CDH12: variants seen among roughly 807,000 people sequenced by gnomAD.
CDH12 encodes cadherin 12.
CDH12 carries 41 observed loss-of-function variants against 74.1 expected under a neutral mutation model. The observed-to-expected ratio is 0.55, with a 90% confidence interval of 0.43 to 0.72. The LOEUF is 0.72. Ranked by LOEUF, CDH12 falls within the 30% of genes least tolerant of loss-of-function variation. CDH12 has a pLI of 0.00. For synonymous variants in CDH12, 399 were observed against 355.0 expected (o/e 1.12, Z -1.39); for missense variants, 945 against 977.2 (o/e 0.97, Z 0.44).
At chr5:22,342,678 TTC>T (rs1391852258) in intron 3 of CDH12, among the ~76,000 whole-genome samples, 53 of 150,338 alleles carry the variant, frequency 3.5e-4, no homozygotes, top group African/African-American at 1.2e-3. Flanking sequence ...TTTCCTTTCC[TTC>T]TTTTTCTTTC....
chr5:22,043,393 C>T (rs1304012134), intron 5 of CDH12, among the ~76,000 whole-genome samples: 1 of 152,102 alleles, frequency 6.6e-6, no homozygotes, highest in East Asian at 1.9e-4. Flanking sequence ...CAAAATTCAA[C>T]ATCCCTTCCC....
chr5:21,782,589 G>T (rs1482448996), intron 11 of CDH12, among the ~76,000 whole-genome samples: 4 of 152,182 alleles, frequency 2.6e-5, no homozygotes, highest in Non-Finnish European at 5.9e-5. Context: ...AAGAGATTCA[G>T]TTGAGATTTT....
chr5:22,369,747 T>G (rs1741193974), intron 3 of CDH12, among the ~76,000 whole-genome samples: 1 of 152,140 alleles, frequency 6.6e-6, no homozygotes, highest in African/African-American at 2.4e-5. Flanking sequence ...AGAGTAAAAT[T>G]TACAGGCAAA....
chr5:22,347,623 C>T (rs1740173400), intron 3 of CDH12, among the ~76,000 whole-genome samples: 1 of 152,180 alleles, frequency 6.6e-6, no homozygotes, highest in Non-Finnish European at 1.5e-5. Context: ...ATGTATACAT[C>T]TATCCTTTAA....
intron 4 of CDH12, among the ~76,000 whole-genome samples, chr5:22,191,477 T>A (rs1428698829): frequency 6.6e-6 from 1 of 152,104 alleles, no homozygotes; most frequent in Middle Eastern, 3.2e-3. Flanking sequence ...ACTGTGTGAT[T>A]CAGCAACTAA....
chr5:22,714,007 G>A (rs751552630), intron 1 of CDH12, among the ~76,000 whole-genome samples: 2 of 152,036 alleles, frequency 1.3e-5, no homozygotes, highest in Admixed American at 6.6e-5. Flanking sequence ...CCTATTTCAC[G>A]TTATGTTGTT....
In CDH12 at chr5:22,766,208, A is replaced by T. The variant is rs550826275; in HGVS notation, c.-523+86850T>A. On this transcript the variant is annotated intron_variant, in intron 1 of 14. Coordinates refer to ENST00000382254, the MANE Select transcript of CDH12 (RefSeq NM_004061.5). ...AATAAACAATTTAGAAAATAATTTC[A>T]ATATGCATTTACTTAAAATTTGCAT... Among the ~76,000 whole-genome samples, 4 of 152,206 alleles carry T rather than the reference A, an allele frequency of 2.6e-5. No individual in the cohort carries two copies. The East Asian group carries it at 5.8e-4, about 22-fold the overall frequency.
chr5:22,680,288 GA>G (rs1741426437), intron 1 of CDH12, among the ~76,000 whole-genome samples: 1 of 152,054 alleles, frequency 6.6e-6, no homozygotes, highest in Non-Finnish European at 1.5e-5. Context: ...TCACAGTTGT[GA>G]AAAAGTAATG....
At chr5:22,373,306 A>C (rs1741378290) in intron 3 of CDH12, among the ~76,000 whole-genome samples, 1 of 152,152 alleles carries the variant, frequency 6.6e-6, no homozygotes, top group Non-Finnish European at 1.5e-5. Context: ...TGCCCAGCCC[A>C]TTGCAGCCAC....
chr5:22,461,292 G>A (rs188597637), intron 2 of CDH12, among the ~76,000 whole-genome samples: 14 of 151,884 alleles, frequency 9.2e-5, no homozygotes, highest in Non-Finnish European at 1.5e-5. Flanking sequence ...CCTCCCAGCT[G>A]GGATTGCAGG....
intron 1 of CDH12, among the ~76,000 whole-genome samples, chr5:22,520,687 G>C (rs1227637238): frequency 6.6e-6 from 1 of 152,112 alleles, no homozygotes; most frequent in African/African-American, 2.4e-5. Flanking sequence ...AAAGTGTAAG[G>C]AAAGTATCAC....
At chr5:22,822,981 C>A (rs1749790189) in intron 1 of CDH12, among the ~76,000 whole-genome samples, 1 of 152,190 alleles carries the variant, frequency 6.6e-6, no homozygotes, top group East Asian at 1.9e-4. Context: ...TTGGAACCAA[C>A]CCAAATGTCC....
In CDH12 at chr5:21,833,315, T is replaced by TATAA. The variant is rs1561225798; in HGVS notation, c.814+8845_814+8846insTTAT. ...TATAATATATATTATATGTTATATGTTATATAATATATATTATATATTATA... is the reference window on the plus strand; with the variant it reads ...TATAATATATATTATATGTTATATGTATAATATATAATATATATTATATATTATA... On this transcript the variant is annotated intron_variant, in intron 8 of 14. Transcript: ENST00000382254. Among the ~76,000 whole-genome samples, 44 of 6,308 alleles carry TATAA rather than the reference T, an allele frequency of 7.0e-3. 17 individuals are homozygous for TATAA. The highest frequency in any genetic ancestry group is 0.055 in the African/African-American group (41 of 750). The allele number at this position is 6,308 out of a possible 152,430, so 4.1% of individuals were successfully genotyped here.
At chr5:22,529,195 A>G (rs1402056268) in intron 1 of CDH12, among the ~76,000 whole-genome samples, 1 of 55,608 alleles carries the variant, frequency 1.8e-5, no homozygotes, top group Non-Finnish European at 4.3e-5. Context: ...ATATAGAGAG[A>G]GAGAGAGAGA....
chr5:22,422,443 T>A (rs561163248), intron 2 of CDH12, among the ~76,000 whole-genome samples: 1 of 152,260 alleles, frequency 6.6e-6, no homozygotes, highest in Non-Finnish European at 1.5e-5. Flanking sequence ...TGGTGGATAA[T>A]CTTTCTGATG....
intron 3 of CDH12, among the ~76,000 whole-genome samples, chr5:22,231,553 G>T (rs1388423351): frequency 1.3e-5 from 2 of 151,962 alleles, no homozygotes; most frequent in African/African-American, 2.4e-5. Flanking sequence ...TAGGTACCAA[G>T]AGATACAAAT....
chr5:21,864,617 C>T (rs1285350055), intron 6 of CDH12, among the ~76,000 whole-genome samples: 3 of 152,146 alleles, frequency 2.0e-5, no homozygotes, highest in Non-Finnish European at 4.4e-5. Context: ...ACAAAACAGA[C>T]TAATTGGTCA....
intron 4 of CDH12, among the ~76,000 whole-genome samples, chr5:22,120,532 G>T (rs944753038): frequency 6.6e-6 from 1 of 152,022 alleles, no homozygotes; most frequent in African/African-American, 2.4e-5. Context: ...AAGTATATTT[G>T]TATAGATTTT....
intron 6 of CDH12, chr5:21,882,791 C>A: frequency 1.9e-6 from 3 of 1,573,302 alleles, no homozygotes; most frequent in Non-Finnish European, 2.6e-6. Flanking sequence ...TTGAGCAGAG[C>A]TGGGGAAGTC....
Sources: allele counts gnomAD v4.1 joint callset (sites outside exome capture counted in the v4.1 genomes callset), GRCh38; gene constraint gnomAD v4.1.1; transcripts MANE v1.5; gene names NCBI Gene and HGNC (gene_info 2026-07-23, HGNC 2026-07-21).